Variants in ATE1 observed in about 807,000 individuals in gnomAD.
The protein encoded by ATE1 is arginyl-tRNA--protein transferase 1.
A neutral mutation model predicts 70.5 loss-of-function variants in ATE1; 36 were observed. That is an observed-to-expected ratio of 0.51 (90% CI 0.39 to 0.67). ATE1 has a LOEUF of 0.67. Among genes scored for constraint, ATE1 ranks in the 30% least tolerant of loss-of-function variants. The probability of loss-of-function intolerance (pLI) is 0.00; values close to 1 mark genes in which losing one functional copy is unlikely to be tolerated. For synonymous variants in ATE1, 232 were observed against 219.3 expected (o/e 1.06, Z -0.51); for missense variants, 593 against 629.5 (o/e 0.94, Z 0.62).
intron 6 of ATE1, among the ~76,000 whole-genome samples, chr10:121,902,003 G>A (rs1270024412): frequency 6.6e-6 from 1 of 152,096 alleles, no homozygotes; most frequent in African/African-American, 2.4e-5. Flanking sequence ...ATATTATAAT[G>A]GATGAAATAG....
rs569625307 is a variant in ATE1 at position 121,911,322 on chromosome 10, G to C, written c.338-171C>G. ...CTGCACTTAAGACTGGCACAGCTGG[G>C]CATGGTGGTTCATGCCTGTAATTCC... On this transcript the variant is annotated intron_variant, in intron 4 of 11. Coordinates refer to ENST00000224652, the MANE Select transcript of ATE1 (RefSeq NM_001001976.3). Among the ~76,000 whole-genome samples the C allele has an allele frequency of 3.9e-5, 6 of 152,190 alleles. No homozygotes were observed. In the South Asian group the frequency reaches 1.2e-3, roughly 32 times the overall value.
intron 11 of ATE1, among the ~76,000 whole-genome samples, chr10:121,756,887 C>T (rs188437832): frequency 4.8e-4 from 73 of 152,292 alleles, no homozygotes; most frequent in Non-Finnish European, 9.3e-4. Context: ...TTTCCCCCAC[C>T]GTCTTGGAGA....
chr10:121,899,246 A>T (rs1950890390), intron 7 of ATE1, among the ~76,000 whole-genome samples: 1 of 152,060 alleles, frequency 6.6e-6, no homozygotes, highest in African/African-American at 2.4e-5. Flanking sequence ...ACTAGAGTCA[A>T]TATTGTTGTT....
chr10:121,775,986 A>G (rs1167823997), intron 11 of ATE1, among the ~76,000 whole-genome samples: 2 of 152,240 alleles, frequency 1.3e-5, no homozygotes, highest in Admixed American at 1.3e-4. Flanking sequence ...TTAAAAATTA[A>G]AAAGTTGCTT....
intron 8 of ATE1, among the ~76,000 whole-genome samples, chr10:121,848,843 G>A (rs1468015898): frequency 1.3e-5 from 2 of 150,996 alleles, no homozygotes; most frequent in African/African-American, 2.4e-5. Context: ...CCCAGGAGAC[G>A]GTGGTCGCAG....
At chr10:121,770,014 T>C (rs1201521965) in intron 11 of ATE1, among the ~76,000 whole-genome samples, 1 of 152,216 alleles carries the variant, frequency 6.6e-6, no homozygotes, top group Admixed American at 6.5e-5. Context: ...TGGGCATTTA[T>C]CAGAACTCAA....
intron 5 of ATE1, among the ~76,000 whole-genome samples, chr10:121,902,997 C>G (rs774699673): frequency 6.8e-6 from 1 of 146,064 alleles, no homozygotes; most frequent in South Asian, 2.2e-4. Context: ...TCCCGAGTAG[C>G]TGGGACTACA....
chr10:121,798,667 A>G (rs1436594778), intron 10 of ATE1, among the ~76,000 whole-genome samples: 1 of 152,206 alleles, frequency 6.6e-6, no homozygotes. Flanking sequence ...TGGGAGGCAG[A>G]AATGGGTGGA....
chr10:121,905,233 T>C (rs948932849), intron 5 of ATE1, among the ~76,000 whole-genome samples: 1 of 152,220 alleles, frequency 6.6e-6, no homozygotes, highest in Non-Finnish European at 1.5e-5. Context: ...TGCCATTCAA[T>C]TAGGGTTAAC....
At chr10:121,908,908 G>A (rs1951310671) in intron 5 of ATE1, among the ~76,000 whole-genome samples, 1 of 152,202 alleles carries the variant, frequency 6.6e-6, no homozygotes, top group Non-Finnish European at 1.5e-5. Context: ...TAACCTGTCA[G>A]ATACAGAAAG....
At chr10:121,816,520 C>T (rs1947549600) in intron 10 of ATE1, among the ~76,000 whole-genome samples, 1 of 152,148 alleles carries the variant, frequency 6.6e-6, no homozygotes, top group South Asian at 2.1e-4. Flanking sequence ...TGTTTGTTCC[C>T]TTTTTGTCCT....
chr10:121,827,658 CACA>C (rs1455366859), intron 10 of ATE1, among the ~76,000 whole-genome samples: 5 of 152,214 alleles, frequency 3.3e-5, no homozygotes, highest in Non-Finnish European at 5.9e-5. Context: ...GCAATGACAG[CACA>C]ACATTTGAAG....
intron 10 of ATE1, among the ~76,000 whole-genome samples, chr10:121,823,722 T>C (rs140549199): frequency 4.9e-4 from 75 of 152,326 alleles, no homozygotes; most frequent in African/African-American, 1.3e-3. Context: ...TTCTAGTTCA[T>C]TGTAAAGAGA....
intron 10 of ATE1, among the ~76,000 whole-genome samples, chr10:121,831,106 C>CTT (rs1460644163): frequency 2.0e-5 from 3 of 152,020 alleles, no homozygotes; most frequent in Non-Finnish European, 4.4e-5. Flanking sequence ...TAATGGATAT[C>CTT]TTAAAAATTA....
chr10:121,879,622 G>C (rs1342677071), intron 7 of ATE1, among the ~76,000 whole-genome samples: 1 of 152,136 alleles, frequency 6.6e-6, no homozygotes, highest in Non-Finnish European at 1.5e-5. Flanking sequence ...TTGTGAATGG[G>C]AGTAATTCAT....
chr10:121,868,848 A>G (rs767504660), intron 8 of ATE1, among the ~76,000 whole-genome samples: 5 of 152,196 alleles, frequency 3.3e-5, no homozygotes, highest in South Asian at 2.1e-4. Flanking sequence ...GCTGGCTACC[A>G]CACGTTTTCA....
At chr10:121,905,314 ATAG>A (rs1951146988) in intron 5 of ATE1, among the ~76,000 whole-genome samples, 1 of 152,218 alleles carries the variant, frequency 6.6e-6, no homozygotes, top group Non-Finnish European at 1.5e-5. Flanking sequence ...CATTCCATAA[ATAG>A]TAATTTTCAA....
At chr10:121,917,601 A>G (rs1281783780) in intron 3 of ATE1, among the ~76,000 whole-genome samples, 1 of 152,164 alleles carries the variant, frequency 6.6e-6, no homozygotes, top group African/African-American at 2.4e-5. Context: ...CTTATCTTCC[A>G]CAGAGAGAAG....
At chr10:121,811,366 G>C (rs571201272) in intron 10 of ATE1, among the ~76,000 whole-genome samples, 2 of 152,124 alleles carry the variant, frequency 1.3e-5, no homozygotes, top group Admixed American at 6.5e-5. Flanking sequence ...TCTGACAAAA[G>C]AGTACACTGT....
Sources: gnomAD v4.1 joint callset for allele counts (sites outside exome capture counted in the v4.1 genomes callset) on GRCh38, gnomAD v4.1.1 for gene constraint, MANE v1.5 for transcripts, NCBI Gene and HGNC (gene_info 2026-07-23, HGNC 2026-07-21) for gene names.